The following MGAT4C variants were observed in gnomAD, a reference collection of about 807,000 sequenced individuals.
MGAT4C encodes alpha-1,3-mannosyl-glycoprotein 4-beta-N-acetylglucosaminyltransferase C.
MGAT4C carries 19 observed loss-of-function variants against 40.1 expected under a neutral mutation model. The ratio of observed to expected loss-of-function variants is 0.47; its 90% CI spans 0.33 to 0.70. MGAT4C has a LOEUF of 0.70. Among genes scored for constraint, MGAT4C ranks in the 30% least tolerant of loss-of-function variants. The pLI, the probability that MGAT4C is intolerant of heterozygous loss-of-function variation, is 0.02. For synonymous variants in MGAT4C, 181 were observed against 187.1 expected (o/e 0.97, Z 0.27); for missense variants, 491 against 563.2 (o/e 0.87, Z 1.30).
rs1565981665 is a variant in MGAT4C at position 86,774,342 on chromosome 12, TCTCTCTCTCTCCCC to T, written c.-261-47115_-261-47102del. ...TTCTTTCTTTCTTTCTTTCTTTCTG[TCTCTCTCTCTCCCC>T]TCTCTCTCTCTCTCTTTCTGTCTGT... On this transcript the variant is annotated intron_variant, in intron 1 of 7. Coordinates refer to the MGAT4C transcript ENST00000548651. 1.2e-3 allele frequency among the ~76,000 whole-genome samples: 108 copies of T among 88,232 alleles called. 2 individuals carry two copies. The highest frequency in any genetic ancestry group is 2.2e-3 in the African/African-American group (56 of 25,124). 57.9% of individuals were successfully genotyped at this position (88,232 alleles called of 152,430 possible).
chr12:86,647,673 GAT>G (rs1963580187), intron 2 of MGAT4C, among the ~76,000 whole-genome samples: 1 of 151,850 alleles, frequency 6.6e-6, no homozygotes, highest in South Asian at 2.1e-4. Context: ...GCCCCCATCT[GAT>G]ATATAAAATT....
intron 2 of MGAT4C, among the ~76,000 whole-genome samples, chr12:86,020,536 T>G (rs1592705189): frequency 1.3e-5 from 2 of 152,276 alleles, no homozygotes; most frequent in Admixed American, 6.5e-5. Flanking sequence ...TAGCCATATG[T>G]AGAAAGCTGA....
At chr12:86,053,464 AC>A (rs1205498220) in intron 1 of MGAT4C, among the ~76,000 whole-genome samples, 1 of 151,618 alleles carries the variant, frequency 6.6e-6, no homozygotes, top group Non-Finnish European at 1.5e-5. Context: ...GTGTTCTAAG[AC>A]CCCCTTTCCA....
rs918571111 is a variant in MGAT4C at position 85,956,654 on chromosome 12, G to A, written c.*22635C>T. 7 of 152,142 alleles carry A rather than the reference G, an allele frequency of 4.6e-5. No individual in the cohort carries two copies. Among genetic ancestry groups the A allele is most frequent in the Non-Finnish European group, 8.8e-5 (6 of 68,014 alleles). The allele number at this position is 152,142 out of a possible 1,614,324, so 9.4% of individuals were successfully genotyped here. A position where few individuals can be genotyped will look rare whatever the true frequency, so the allele number is the denominator to read the frequency against. Reference sequence around the variant, plus strand: ...TCATAACAATTTCAGTTTTCAGCCTGTCTTGTAAGATTTAACCCAAGCTAC... The same window carrying A: ...TCATAACAATTTCAGTTTTCAGCCTATCTTGTAAGATTTAACCCAAGCTAC... On this transcript the variant is annotated 3_prime_UTR_variant, in exon 5 of 5. Coordinates refer to ENST00000611864, the MANE Select transcript of MGAT4C (RefSeq NM_001351288.2).
intron 2 of MGAT4C, among the ~76,000 whole-genome samples, chr12:86,572,409 T>C (rs1201404012): frequency 6.6e-6 from 1 of 152,116 alleles, no homozygotes; most frequent in Non-Finnish European, 1.5e-5. Context: ...TCTCAAATTC[T>C]GCTTTACTCC....
At chr12:86,363,355 T>C (rs1398064114) in intron 3 of MGAT4C, among the ~76,000 whole-genome samples, 4 of 152,084 alleles carry the variant, frequency 2.6e-5, no homozygotes, top group East Asian at 1.9e-4. Flanking sequence ...ACAACATACT[T>C]GAAAATAATT....
chr12:86,586,256 T>C (rs1183097136), intron 2 of MGAT4C, among the ~76,000 whole-genome samples: 4 of 127,980 alleles, frequency 3.1e-5, no homozygotes, highest in Admixed American at 1.7e-4. Flanking sequence ...CAATTTCATC[T>C]ATGTACCTAC....
intron 1 of MGAT4C, among the ~76,000 whole-genome samples, chr12:86,823,123 CTAAG>C (rs1465693496): frequency 6.7e-6 from 1 of 149,782 alleles, no homozygotes; most frequent in Admixed American, 6.7e-5. Flanking sequence ...GATGCACCAA[CTAAG>C]TATTACAAGA....
chr12:86,201,145 T>C (rs1950033598), intron 1 of MGAT4C, among the ~76,000 whole-genome samples: 1 of 152,250 alleles, frequency 6.6e-6, no homozygotes, highest in Non-Finnish European at 1.5e-5. Context: ...CTGTGGCTTA[T>C]GCTTTCAAGG....
At chr12:85,998,025 A>C (rs2136758654) in intron 2 of MGAT4C, among the ~76,000 whole-genome samples, 1 of 152,338 alleles carries the variant, frequency 6.6e-6, no homozygotes, top group African/African-American at 2.4e-5. Flanking sequence ...CTATCTGGAT[A>C]TCCAGGTGTT....
chr12:86,690,583 T>C (rs1950156218), intron 2 of MGAT4C, among the ~76,000 whole-genome samples: 1 of 152,218 alleles, frequency 6.6e-6, no homozygotes, highest in Non-Finnish European at 1.5e-5. Flanking sequence ...CCTGACCCCT[T>C]GCACTTCCTG....
intron 1 of MGAT4C, among the ~76,000 whole-genome samples, chr12:86,219,845 A>G (rs1950815706): frequency 6.6e-6 from 1 of 152,182 alleles, no homozygotes; most frequent in South Asian, 2.1e-4. Flanking sequence ...TAAGAACTTC[A>G]TGTGACTTAT....
chr12:86,398,730 CT>C (rs1956303516), intron 3 of MGAT4C, among the ~76,000 whole-genome samples: 1 of 151,800 alleles, frequency 6.6e-6, no homozygotes, highest in Admixed American at 6.6e-5. Context: ...GCCTTAGAAA[CT>C]AAAAATATAT....
At chr12:86,574,088 G>T (rs139601818) in intron 2 of MGAT4C, among the ~76,000 whole-genome samples, 1 of 151,450 alleles carries the variant, frequency 6.6e-6, no homozygotes, top group African/African-American at 2.4e-5. Context: ...ATGAAAATTA[G>T]CTATTTTCTA....
chr12:86,557,447 G>A (rs1959664095), intron 2 of MGAT4C, among the ~76,000 whole-genome samples: 1 of 152,086 alleles, frequency 6.6e-6, no homozygotes, highest in Admixed American at 6.5e-5. Flanking sequence ...TCCCAGAACT[G>A]CTGATACCCA....
chr12:86,312,948 A>C (rs1252364969), intron 4 of MGAT4C, among the ~76,000 whole-genome samples: 1 of 152,064 alleles, frequency 6.6e-6, no homozygotes, highest in Non-Finnish European at 1.5e-5. Context: ...AATATATCAA[A>C]AGGCTTTTTT....
At chr12:86,467,636 G>A (rs1957700912) in intron 2 of MGAT4C, among the ~76,000 whole-genome samples, 1 of 151,910 alleles carries the variant, frequency 6.6e-6, no homozygotes, top group Non-Finnish European at 1.5e-5. Flanking sequence ...AAAAATAAAT[G>A]CAGATTTTCA....
At chr12:86,273,598 AGAGAT>A (rs1953000036) in intron 4 of MGAT4C, among the ~76,000 whole-genome samples, 2 of 152,176 alleles carry the variant, frequency 1.3e-5, no homozygotes, top group Admixed American at 6.5e-5. Context: ...CTGAGAGATA[AGAGAT>A]GAGACCTGGA....
chr12:86,573,477 C>A (rs1472160911), intron 2 of MGAT4C, among the ~76,000 whole-genome samples: 1 of 152,000 alleles, frequency 6.6e-6, no homozygotes, highest in East Asian at 1.9e-4. Flanking sequence ...CCCACACATT[C>A]AAAACATGCT....
Sources: allele counts gnomAD v4.1 joint callset (sites outside exome capture counted in the v4.1 genomes callset), GRCh38; gene constraint gnomAD v4.1.1; transcripts MANE v1.5; gene names NCBI Gene and HGNC (gene_info 2026-07-23, HGNC 2026-07-21).